FGF14: variants seen among roughly 807,000 people sequenced by gnomAD.
FGF14 encodes fibroblast growth factor homologous factor 4.
A neutral mutation model predicts 25.5 loss-of-function variants in FGF14; 5 were observed. That is an observed-to-expected ratio of 0.20 (90% CI 0.10 to 0.41). The LOEUF (loss-of-function observed/expected upper bound fraction) is 0.41. Among genes scored for constraint, FGF14 ranks in the 10% least tolerant of loss-of-function variants. The pLI, the probability that FGF14 is intolerant of heterozygous loss-of-function variation, is 1.00. For missense variants in FGF14, 222 were observed against 320.1 expected (o/e 0.69, Z 2.34); for synonymous variants, 138 against 118.3 (o/e 1.17, Z -1.08).
chr13:102,142,086 G>GA (rs2046666841), intron 1 of FGF14, among the ~76,000 whole-genome samples: 1 of 152,108 alleles, frequency 6.6e-6, no homozygotes, highest in Non-Finnish European at 1.5e-5. Flanking sequence ...TGGCTACCAA[G>GA]AAATAGACTA....
chr13:102,079,215 C>T (rs1282075644), intron 1 of FGF14, among the ~76,000 whole-genome samples: 1 of 152,154 alleles, frequency 6.6e-6, no homozygotes, highest in Non-Finnish European at 1.5e-5. Flanking sequence ...TTACCATGCT[C>T]TCGTTTTTGT....
At chr13:102,239,616 T>A (rs3904750) in intron 1 of FGF14, among the ~76,000 whole-genome samples, 124,322 of 151,688 alleles carry the variant, frequency 0.82, 51,546 homozygotes, top group African/African-American at 0.95. Context: ...AAGTAAAAAA[T>A]AAAGATTATG....
intron 1 of FGF14, among the ~76,000 whole-genome samples, chr13:102,392,211 A>C (rs900765402): frequency 6.6e-6 from 1 of 152,240 alleles, no homozygotes; most frequent in Non-Finnish European, 1.5e-5. Flanking sequence ...TATCTAAAAA[A>C]GCACGTGTGC....
chr13:102,020,100 G>C (rs954183366), intron 1 of FGF14, among the ~76,000 whole-genome samples: 2 of 152,124 alleles, frequency 1.3e-5, no homozygotes, highest in African/African-American at 4.8e-5. Flanking sequence ...ATAATGAATA[G>C]TGTAGGCATA....
chr13:102,055,029 A>G (rs1301354848), intron 1 of FGF14, among the ~76,000 whole-genome samples: 1 of 152,172 alleles, frequency 6.6e-6, no homozygotes, highest in Non-Finnish European at 1.5e-5. Flanking sequence ...CTCCAGTCCC[A>G]TGGAGAAATA....
chr13:101,941,134 C>A lies in FGF14; in HGVS notation c.209-65838G>T, dbSNP rs552777215. Among the ~76,000 whole-genome samples the A allele has an allele frequency of 5.3e-5, 8 of 152,306 alleles. No homozygotes were observed. In the East Asian group the frequency reaches 1.4e-3, roughly 26 times the overall value. ...ACTACTCAGTCCTGATGTCTAGGAC[C>A]TTACAGCTCCAAATCTCAAAAAATG... On this transcript the variant is annotated intron_variant, in intron 1 of 4. Coordinates refer to the FGF14 transcript ENST00000376131.
chr13:102,117,221 A>G (rs16959741), intron 1 of FGF14, among the ~76,000 whole-genome samples: 10,881 of 152,142 alleles, frequency 0.072, 448 homozygotes, highest in Non-Finnish European at 0.096. Context: ...AGCTCTCTGT[A>G]TTTGGCTTTT....
chr13:101,777,687 T>C (rs944545322), intron 3 of FGF14, among the ~76,000 whole-genome samples: 2 of 152,114 alleles, frequency 1.3e-5, no homozygotes, highest in African/African-American at 4.8e-5. Context: ...AATCTCAAGG[T>C]TAGAGAGAGA....
chr13:102,096,836 C>A (rs929343181), intron 1 of FGF14, among the ~76,000 whole-genome samples: 5 of 152,116 alleles, frequency 3.3e-5, no homozygotes, highest in African/African-American at 4.8e-5. Flanking sequence ...CATATATAAG[C>A]TAGGACCTTG....
At chr13:102,379,672 T>C (rs1179298441) in intron 1 of FGF14, among the ~76,000 whole-genome samples, 3 of 152,142 alleles carry the variant, frequency 2.0e-5, no homozygotes, top group Non-Finnish European at 2.9e-5. Context: ...AACAGGTTCA[T>C]GTTAACAAGT....
intron 1 of FGF14, among the ~76,000 whole-genome samples, chr13:102,195,131 A>G (rs999915333): frequency 5.9e-5 from 9 of 152,218 alleles, no homozygotes; most frequent in African/African-American, 2.2e-4. Flanking sequence ...TCAGTCTGAA[A>G]ATAAAGGACA....
At chr13:101,830,491 T>A (rs184584805) in intron 3 of FGF14, among the ~76,000 whole-genome samples, 1 of 152,144 alleles carries the variant, frequency 6.6e-6, no homozygotes, top group Admixed American at 6.6e-5. Context: ...AGTTACCGGT[T>A]GTACATGGGC....
intron 3 of FGF14, among the ~76,000 whole-genome samples, chr13:101,770,992 T>C (rs1479277639): frequency 6.6e-6 from 1 of 152,084 alleles, no homozygotes; most frequent in Non-Finnish European, 1.5e-5. Context: ...TATATTAAAT[T>C]ATATTAAACT....
intron 1 of FGF14, among the ~76,000 whole-genome samples, chr13:102,354,766 T>C (rs1033284956): frequency 1.3e-5 from 2 of 152,198 alleles, no homozygotes; most frequent in African/African-American, 4.8e-5. Context: ...TTCATCAATA[T>C]TGTTGAAAGA....
At chr13:101,898,960 A>G (rs1214896157) in intron 1 of FGF14, among the ~76,000 whole-genome samples, 1 of 152,218 alleles carries the variant, frequency 6.6e-6, no homozygotes, top group African/African-American at 2.4e-5. Context: ...CAAAAAGCTG[A>G]GAATCAGAGC....
intron 1 of FGF14, among the ~76,000 whole-genome samples, chr13:102,110,319 T>C (rs1014403759): frequency 6.6e-6 from 1 of 152,150 alleles, no homozygotes; most frequent in South Asian, 2.1e-4. Context: ...TGTGACACTC[T>C]CCTCACAATT....
intron 1 of FGF14, among the ~76,000 whole-genome samples, chr13:102,150,556 T>C (rs140301503): frequency 8.6e-4 from 131 of 152,330 alleles, no homozygotes; most frequent in Non-Finnish European, 1.5e-3. Flanking sequence ...CCGATTCTAT[T>C]TGCCTCCTTT....
chr13:102,231,468 C>T (rs1241244145), intron 1 of FGF14, among the ~76,000 whole-genome samples: 3 of 152,136 alleles, frequency 2.0e-5, no homozygotes, highest in African/African-American at 7.2e-5. Flanking sequence ...GAGCAGAAGG[C>T]AGGGTCTGTG....
Position 101,719,191 on chromosome 13 carries a change from T to TAA in FGF14, c.*3638_*3639dup, listed in dbSNP as rs1392881519. On this transcript the variant is annotated 3_prime_UTR_variant, in exon 5 of 5. Transcript: ENST00000376143. ...ATACGTGTCTAACTTACTTAAAGAATAAGTTTTTGGTTTTTGCTTTTAAAG... is the reference window on the plus strand; with the variant it reads ...ATACGTGTCTAACTTACTTAAAGAATAAAAGTTTTTGGTTTTTGCTTTTAAAG... 1 of 152,108 alleles carries TAA rather than the reference T, an allele frequency of 6.6e-6. No homozygotes were observed. Among genetic ancestry groups the TAA allele is most frequent in the Non-Finnish European group, 1.5e-5 (1 of 68,004 alleles). 9.4% of individuals were successfully genotyped at this position (152,108 alleles called of 1,614,324 possible). A position where few individuals can be genotyped will look rare whatever the true frequency, so the allele number is the denominator to read the frequency against.
Sources: allele counts gnomAD v4.1 joint callset (sites outside exome capture counted in the v4.1 genomes callset), GRCh38; gene constraint gnomAD v4.1.1; transcripts MANE v1.5; gene names NCBI Gene and HGNC (gene_info 2026-07-23, HGNC 2026-07-21).